Variants in MIA3 observed in about 807,000 individuals in gnomAD.
MIA3 encodes the protein MIA SH3 domain ER export factor 3.
In MIA3, 90 loss-of-function variants were observed where a neutral mutation model predicts 192.4. That is an observed-to-expected ratio of 0.47 (90% CI 0.39 to 0.56). The LOEUF is 0.56. Among genes scored for constraint, MIA3 ranks in the 20% least tolerant of loss-of-function variants. MIA3 has a pLI of 0.00. For synonymous variants in MIA3, 740 were observed against 792.8 expected (o/e 0.93, Z 1.12); for missense variants, 2,123 against 2,269.4 (o/e 0.94, Z 1.31).
At chr1:222,632,605 A>C (rs888228521) in intron 5 of MIA3, among the ~76,000 whole-genome samples, 1 of 152,204 alleles carries the variant, frequency 6.6e-6, no homozygotes, top group Admixed American at 6.5e-5. Flanking sequence ...TTATGCTCTA[A>C]AACAGTAGTT....
chr1:222,652,255 C>T lies in MIA3; in HGVS notation c.4009C>T (p.Leu1337Phe), dbSNP rs779828958. 1.9e-6 allele frequency: 3 copies of T among 1,613,442 alleles called. No individual in the cohort carries two copies. Among genetic ancestry groups the T allele is most frequent in the Non-Finnish European group, 2.5e-6 (3 of 1,179,542 alleles). ...EVQIALNEAKLSEEKVKSECH... is the reference protein window; with the variant it reads ...EVQIALNEAKFSEEKVKSECH... ...TCAGATTGCACTTAATGAAGCTAAGCTTAGTGAAGAGAAGGTGAAGTCTGA... is the reference window on the plus strand; with the variant it reads ...TCAGATTGCACTTAATGAAGCTAAGTTTAGTGAAGAGAAGGTGAAGTCTGA... The change falls in exon 13 of 28, where the codon CTT (leucine) becomes TTT (phenylalanine). Residue 1337 changes from leucine (L) to phenylalanine (F), a missense_variant. Leu to Phe is a conservative substitution (Grantham distance 22). Transcript: ENST00000344922.
At chr1:222,621,776 G>T (rs17163303) in intron 2 of MIA3, among the ~76,000 whole-genome samples, 22,366 of 151,412 alleles carry the variant, frequency 0.15, 2,804 homozygotes, top group African/African-American at 0.34. Context: ...CTGTAAAAAA[G>T]CAAAATGTTG....
chr1:222,644,515 AC>A, intron 6 of MIA3: 1 of 1,550,556 alleles, frequency 6.4e-7, no homozygotes, highest in Non-Finnish European at 8.7e-7. Flanking sequence ...TATCGCCGCT[AC>A]CCCGGGGGAC....
At chr1:222,659,042 T>C (rs1663875264) in intron 19 of MIA3, 1 of 474,122 alleles carries the variant, frequency 2.1e-6, no homozygotes, top group Non-Finnish European at 3.8e-6. Context: ...GTTCTGGGGG[T>C]TGGAGGGGGT....
At position 222,666,039 on chromosome 1, in the gene MIA3, C is replaced by G. The variant is rs1664266161; in HGVS notation, c.*420C>G. On this transcript the variant is annotated 3_prime_UTR_variant, in exon 28 of 28. Coordinates refer to ENST00000344922, the MANE Select transcript of MIA3 (RefSeq NM_198551.4). Reference sequence around the variant, plus strand: ...TAAGCGTTTTTTTAAACTATCTGGTCACAAAGACTGTTACGCTAAAAATGT... The same window carrying G: ...TAAGCGTTTTTTTAAACTATCTGGTGACAAAGACTGTTACGCTAAAAATGT... 1 of 153,688 alleles carries G rather than the reference C, an allele frequency of 6.5e-6. No individual in the cohort carries two copies. The highest frequency in any genetic ancestry group is 1.4e-5 in the Non-Finnish European group (1 of 69,206). 9.5% of individuals were successfully genotyped at this position (153,688 alleles called of 1,614,324 possible). A position where few individuals can be genotyped will look rare whatever the true frequency, so the allele number is the denominator to read the frequency against.
At chr1:222,627,037 C>T (rs1406383029) in intron 3 of MIA3, among the ~76,000 whole-genome samples, 1 of 152,196 alleles carries the variant, frequency 6.6e-6, no homozygotes, top group African/African-American at 2.4e-5. Flanking sequence ...TACTTTTCCC[C>T]ACCTGTGCTC....
At chr1:222,632,409 T>C in intron 5 of MIA3, 83 bp downstream of exon 5, 1 of 1,216,062 alleles carries the variant, frequency 8.2e-7, no homozygotes, top group South Asian at 1.5e-5. Flanking sequence ...AGGCAGGAGC[T>C]AGAGACTTGT....
At position 222,628,266 on chromosome 1, in the gene MIA3, A is replaced by G. The variant is rs554642271; in HGVS notation, c.1046A>G (p.Lys349Arg). ...ACTCCAGCAAAGTCTGGCGTTGAGA[A>G]ATATCCAACAGATAAAGAGCAGAAT... is the stretch of plus-strand genomic sequence containing the variant. ...MKTPAKSGVE[K>R]YPTDKEQNSN... Residue 349 changes from lysine (K) to arginine (R), a missense_variant, in exon 4 of 28, where the codon AAA (lysine) becomes AGA (arginine). This residue lies in a region of MIA3 where 1,357 missense variants were observed against 1,396.1 expected (regional missense o/e 0.97). Transcript: ENST00000344922. 1.9e-6 allele frequency: 3 copies of G among 1,614,138 alleles called. No individual in the cohort carries two copies. Among genetic ancestry groups the G allele is most frequent in the East Asian group, 2.2e-5 (1 of 44,882 alleles).
intron 15 of MIA3, among the ~76,000 whole-genome samples, chr1:222,653,751 C>A (rs1480088288): frequency 1.3e-5 from 2 of 152,008 alleles, no homozygotes; most frequent in African/African-American, 4.8e-5. Context: ...CTGACTAAGG[C>A]CATGAAAGAA....
At chr1:222,623,715 T>C (rs1043339896) in intron 2 of MIA3, among the ~76,000 whole-genome samples, 6 of 152,204 alleles carry the variant, frequency 3.9e-5, no homozygotes, top group African/African-American at 1.4e-4. Context: ...TTTTTCTTTT[T>C]GTGCATTTGA....
chr1:222,650,244 A>G (rs778855244), intron 8 of MIA3, 48 bp from the exon 9 acceptor site: 24 of 1,096,642 alleles, frequency 2.2e-5, no homozygotes, highest in East Asian at 2.0e-4. Flanking sequence ...GGGTAATTCA[A>G]TTTCATTTAG....
At chr1:222,647,988 T>C in intron 7 of MIA3, 1 of 338,658 alleles carries the variant, frequency 3.0e-6, no homozygotes, top group Non-Finnish European at 6.3e-6. Flanking sequence ...TATGGATGAT[T>C]TGTGGACTGG....
In MIA3 at chr1:222,657,691, A is replaced by G. The variant is rs549888272; in HGVS notation, c.4608-1031A>G. ...GTCAGAGAGGGATTGTTCTGTTCTT[A>G]TATGCACCTTTTACACATTCAGCTG... On this transcript the variant is annotated intron_variant, in intron 18 of 27. Coordinates refer to ENST00000344922, the MANE Select transcript of MIA3 (RefSeq NM_198551.4). 1.1e-4 allele frequency among the ~76,000 whole-genome samples: 17 copies of G among 152,300 alleles called. No homozygotes were observed. The East Asian group carries it at 2.1e-3, about 19-fold the overall frequency.
intron 1 of MIA3, among the ~76,000 whole-genome samples, chr1:222,619,720 A>G (rs749719213): frequency 6.6e-6 from 1 of 152,246 alleles, no homozygotes; most frequent in East Asian, 1.9e-4. Context: ...ATGCTTCTTC[A>G]GTACTGAGGC....
Position 222,632,317 on chromosome 1 carries a change from C to T in MIA3, c.3322C>T (p.Leu1108=). Residue 1108 remains leucine (L), a synonymous_variant, in exon 5 of 28, where the codon CTG becomes TTG. Transcript: ENST00000344922. ...VSQKPNTEKD[L]DPGPVTTEDT... is the part of the protein sequence containing the mutation. ...ACAGAAGCCAAATACTGAGAAAGACCTGGACCCAGGTAAAGCCTGCTAATT... is the reference window on the plus strand; with the variant it reads ...ACAGAAGCCAAATACTGAGAAAGACTTGGACCCAGGTAAAGCCTGCTAATT... 2 of 1,612,538 alleles carry T rather than the reference C, an allele frequency of 1.2e-6. No individual in the cohort carries two copies. The highest frequency in any genetic ancestry group is 8.5e-7 in the Non-Finnish European group (1 of 1,179,484).
intron 24 of MIA3, 91 bp from the exon 25 acceptor site, chr1:222,661,965 C>T (rs1664036285): frequency 3.1e-6 from 3 of 962,830 alleles, no homozygotes; most frequent in Admixed American, 5.0e-5. Context: ...TTTAATGTTG[C>T]TTTCCAGATA....
At chr1:222,643,754 GAC>G (rs1414073231) in intron 6 of MIA3, among the ~76,000 whole-genome samples, 11 of 152,114 alleles carry the variant, frequency 7.2e-5, no homozygotes, top group Middle Eastern at 6.8e-3. Flanking sequence ...AACATAGGGA[GAC>G]TCCCTCCCCT....
chr1:222,660,095 T>C (rs1193543021), intron 23 of MIA3, 82 bp from the exon 24 acceptor site: 1 of 1,589,082 alleles, frequency 6.3e-7, no homozygotes, highest in African/African-American at 1.4e-5. Flanking sequence ...GTAATGGTTA[T>C]GGTACCCTAG....
chr1:222,660,057 G>A (rs368470617), intron 23 of MIA3, 51 bp downstream of exon 23: 1 of 1,582,216 alleles, frequency 6.3e-7, no homozygotes, highest in African/African-American at 1.4e-5. Flanking sequence ...GATGTAAAAT[G>A]TATATAAGTG....
Sources: gnomAD v4.1 joint callset for allele counts (sites outside exome capture counted in the v4.1 genomes callset) on GRCh38, gnomAD v4.1.1 for gene constraint, gnomAD v4.1.1 regional missense constraint, MANE v1.5 for transcripts, NCBI Gene and HGNC (gene_info 2026-07-23, HGNC 2026-07-21) for gene names.